The following RERGL variants were observed in gnomAD, a reference collection of about 807,000 sequenced individuals.
The protein encoded by RERGL is RERG like.
In RERGL, 22 loss-of-function variants were observed where a neutral mutation model predicts 24.7. The observed-to-expected ratio is 0.89, with a 90% confidence interval of 0.64 to 1.27. RERGL has a LOEUF of 1.27. Ranked by LOEUF, RERGL falls within the 50% of genes most tolerant of loss-of-function variation. RERGL has a pLI of 0.00. For missense variants in RERGL, 259 were observed against 235.3 expected (o/e 1.10, Z -0.66); for synonymous variants, 76 against 82.6 (o/e 0.92, Z 0.43).
intron 1 of RERGL, 105 bp from the exon 2 acceptor site, chr12:18,089,061 T>C: frequency 8.6e-7 from 1 of 1,161,292 alleles, no homozygotes; most frequent in Non-Finnish European, 1.3e-6. Flanking sequence ...ATTCAAGAAT[T>C]AATAAAGACT....
intron 4 of RERGL, 85 bp from the exon 5 acceptor site, chr12:18,081,558 A>C: frequency 2.4e-6 from 3 of 1,240,528 alleles, no homozygotes; most frequent in African/African-American, 1.5e-5. Context: ...TTTATAACCA[A>C]AGGATTATAA....
At chr12:18,088,347 T>C (rs932167957) in intron 2 of RERGL, among the ~76,000 whole-genome samples, 1 of 152,036 alleles carries the variant, frequency 6.6e-6, no homozygotes, top group South Asian at 2.1e-4. Context: ...AAAACAGAAA[T>C]TTATAGAAGA....
At chr12:18,088,233 T>C (rs1947238300) in intron 2 of RERGL, among the ~76,000 whole-genome samples, 1 of 152,102 alleles carries the variant, frequency 6.6e-6, no homozygotes, top group Admixed American at 6.6e-5. Context: ...ATTAGCACCA[T>C]TATATTGTTT....
chr12:18,089,220 G>A, intron 1 of RERGL: 1 of 1,605,068 alleles, frequency 6.2e-7, no homozygotes, highest in Non-Finnish European at 8.5e-7. Flanking sequence ...AAAACATAAG[G>A]CCACTTACCT....
chr12:18,087,084 A>G (rs1286430119), intron 2 of RERGL, among the ~76,000 whole-genome samples: 1 of 152,122 alleles, frequency 6.6e-6, no homozygotes, highest in East Asian at 1.9e-4. Context: ...CACCATCTCC[A>G]TTGCTAACAC....
At chr12:18,082,843 G>A (rs1461972755) in intron 4 of RERGL, among the ~76,000 whole-genome samples, 2 of 152,134 alleles carry the variant, frequency 1.3e-5, no homozygotes, top group Non-Finnish European at 2.9e-5. Context: ...TTTAAGAAAT[G>A]TGTCTTTGTT....
intron 4 of RERGL, 136 bp downstream of exon 4, chr12:18,084,381 G>T: frequency 1.5e-6 from 1 of 672,220 alleles, no homozygotes; most frequent in Non-Finnish European, 2.3e-6. Flanking sequence ...TGTAACTCCT[G>T]TGGAATAGGA....
At chr12:18,089,054 C>A in intron 1 of RERGL, 98 bp from the exon 2 acceptor site, 1 of 1,182,144 alleles carries the variant, frequency 8.5e-7, no homozygotes, top group South Asian at 1.3e-5. Context: ...CAAAAATATT[C>A]AAGAATTAAT....
At chr12:18,083,196 C>A (rs1474489491) in intron 4 of RERGL, among the ~76,000 whole-genome samples, 2 of 151,988 alleles carry the variant, frequency 1.3e-5, no homozygotes, top group Non-Finnish European at 2.9e-5. Context: ...ACACAAATAT[C>A]AGATATAATT....
chr12:18,089,591 T>C (rs1461955924), intron 1 of RERGL, among the ~76,000 whole-genome samples: 1 of 152,142 alleles, frequency 6.6e-6, no homozygotes, highest in Non-Finnish European at 1.5e-5. Flanking sequence ...TATTGCTCAG[T>C]TCCAGAACAT....
intron 4 of RERGL, 78 bp from the exon 5 acceptor site, chr12:18,081,551 A>C: frequency 8.1e-7 from 1 of 1,237,028 alleles, no homozygotes; most frequent in Non-Finnish European, 1.1e-6. Flanking sequence ...AAACAGATTT[A>C]TAACCAAAGG....
intron 4 of RERGL, among the ~76,000 whole-genome samples, 154 bp from the exon 5 acceptor site, chr12:18,081,627 C>A (rs1947174366): frequency 6.6e-6 from 1 of 150,712 alleles, no homozygotes; most frequent in Admixed American, 6.6e-5. Flanking sequence ...TATACAGTTA[C>A]ACATAGCCCC....
chr12:18,085,780 G>T, intron 2 of RERGL, 87 bp from the exon 3 acceptor site: 1 of 693,534 alleles, frequency 1.4e-6, no homozygotes. Flanking sequence ...TAGTGGAATC[G>T]TATTGTGCTC....
intron 3 of RERGL, among the ~76,000 whole-genome samples, 196 bp from the exon 4 acceptor site, chr12:18,084,861 A>G (rs1011538168): frequency 9.8e-5 from 15 of 152,350 alleles, no homozygotes; most frequent in African/African-American, 3.6e-4. Context: ...GTAAAACAGA[A>G]CTATAATAAA....
chr12:18,089,263 G>C, intron 1 of RERGL: 1 of 1,607,792 alleles, frequency 6.2e-7, no homozygotes, highest in Non-Finnish European at 8.5e-7. Flanking sequence ...CATTATATTT[G>C]AGATGCAAGA....
At chr12:18,084,937 T>C (rs1243122556) in intron 3 of RERGL, among the ~76,000 whole-genome samples, 2 of 152,216 alleles carry the variant, frequency 1.3e-5, no homozygotes, top group Non-Finnish European at 1.5e-5. Context: ...GAAAATTTGA[T>C]GAGCTACAAT....
chr12:18,081,174 C>A lies in RERGL; in HGVS notation c.*17G>T. The A allele has an allele frequency of 6.4e-7, 1 of 1,573,496 alleles. No individual in the cohort carries two copies. Among genetic ancestry groups the A allele is most frequent in the South Asian group, 1.2e-5 (1 of 86,918 alleles). On this transcript the variant is annotated 3_prime_UTR_variant, in exon 5 of 5. Transcript: ENST00000538724. Reference sequence around the variant, plus strand: ...GAAACTCTCTGATATAGGAAATCTCCCAGGATTACCTGTCTACTAAACAGA... The same window carrying A: ...GAAACTCTCTGATATAGGAAATCTCACAGGATTACCTGTCTACTAAACAGA...
intron 4 of RERGL, among the ~76,000 whole-genome samples, chr12:18,082,105 A>G (rs1365887149): frequency 6.7e-6 from 1 of 149,192 alleles, no homozygotes; most frequent in Non-Finnish European, 1.5e-5. Flanking sequence ...GTGCCACTGC[A>G]CTCCAGCCTG....
rs1298040298 is a variant in RERGL, at chr12:18,089,270, A to C, written c.53-314T>G. The C allele has an allele frequency of 2.1e-5, 34 of 1,606,876 alleles. No homozygotes were observed. In the Middle Eastern group the frequency reaches 5.4e-4, roughly 25 times the overall value. ...AGATTTCTCATTATATTTGAGATGC[A>C]AGAAGTTTGACATCTGTTTATTTTC... On this transcript the variant is annotated intron_variant, in intron 1 of 4. Transcript: ENST00000538724.
Sources: gnomAD v4.1 joint callset for allele counts (sites outside exome capture counted in the v4.1 genomes callset) on GRCh38, gnomAD v4.1.1 for gene constraint, MANE v1.5 for transcripts, NCBI Gene and HGNC (gene_info 2026-07-23, HGNC 2026-07-21) for gene names.